The following THSD7B variants were observed in gnomAD, a reference collection of about 807,000 sequenced individuals.
THSD7B encodes thrombospondin type 1 domain containing 7B, also known as thrombospondin type-1 domain-containing protein 7B.
In THSD7B, 138 loss-of-function variants were observed where a neutral mutation model predicts 213.6. The observed-to-expected ratio is 0.65, with a 90% CI of 0.56 to 0.74. The LOEUF is 0.74. THSD7B is among the 30% of genes least tolerant of loss of function. THSD7B has a pLI of 0.00. For synonymous variants in THSD7B, 742 were observed against 687.0 expected (o/e 1.08, Z -1.25); for missense variants, 1,931 against 1,991.5 (o/e 0.97, Z 0.58).
intron 9 of THSD7B, among the ~76,000 whole-genome samples, chr2:137,241,802 G>C (rs1558970534): frequency 6.6e-6 from 1 of 151,884 alleles, no homozygotes; most frequent in Non-Finnish European, 1.5e-5. Flanking sequence ...CCAGCTACTT[G>C]AGAGGCTGAG....
At chr2:137,051,806 G>C (rs1254721825) in intron 2 of THSD7B, among the ~76,000 whole-genome samples, 1 of 152,126 alleles carries the variant, frequency 6.6e-6, no homozygotes, top group Non-Finnish European at 1.5e-5. Flanking sequence ...AAGAGCTATG[G>C]AGAGTGTGCT....
At chr2:136,842,062 A>G (rs999908237) in intron 1 of THSD7B, among the ~76,000 whole-genome samples, 2 of 152,226 alleles carry the variant, frequency 1.3e-5, no homozygotes, top group Non-Finnish European at 2.9e-5. Flanking sequence ...TGTCTCCATG[A>G]CACTCTGAGG....
intron 14 of THSD7B, among the ~76,000 whole-genome samples, chr2:137,426,863 T>C (rs1327083114): frequency 6.6e-6 from 1 of 152,020 alleles, no homozygotes. Context: ...AGGCATCCCA[T>C]GGAATAGGAA....
At chr2:137,174,705 A>G (rs1404639346) in intron 7 of THSD7B, among the ~76,000 whole-genome samples, 1 of 152,226 alleles carries the variant, frequency 6.6e-6, no homozygotes, top group Non-Finnish European at 1.5e-5. Context: ...AATAGATTGT[A>G]TAAATGAGTG....
intron 17 of THSD7B, among the ~76,000 whole-genome samples, chr2:137,611,158 T>A (rs1440221706): frequency 6.6e-6 from 1 of 151,956 alleles, no homozygotes; most frequent in Non-Finnish European, 1.5e-5. Flanking sequence ...AATTTATCAT[T>A]ACATTAGTGG....
chr2:137,534,121 TC>T (rs1259089840), intron 15 of THSD7B, among the ~76,000 whole-genome samples: 1 of 151,598 alleles, frequency 6.6e-6, no homozygotes, highest in African/African-American at 2.4e-5. Flanking sequence ...TACTATTTTT[TC>T]CCTAATCTTT....
At chr2:136,843,337 A>T (rs1682947822) in intron 1 of THSD7B, among the ~76,000 whole-genome samples, 1 of 152,108 alleles carries the variant, frequency 6.6e-6, no homozygotes, top group Non-Finnish European at 1.5e-5. Flanking sequence ...GCTTATGTAA[A>T]TTTCTCTCTG....
intron 2 of THSD7B, among the ~76,000 whole-genome samples, chr2:136,929,946 T>G (rs1684600507): frequency 6.6e-6 from 1 of 152,238 alleles, no homozygotes; most frequent in African/African-American, 2.4e-5. Context: ...CAGATGAGCT[T>G]AATCACAGAG....
chr2:137,238,638 C>CT, intron 9 of THSD7B, among the ~76,000 whole-genome samples: 1 of 145,334 alleles, frequency 6.9e-6, no homozygotes, highest in Non-Finnish European at 1.5e-5. Context: ...ACTGCAAGCT[C>CT]CGCTTCCCGG....
chr2:137,551,265 T>A (rs1680842595), intron 15 of THSD7B, among the ~76,000 whole-genome samples: 1 of 152,148 alleles, frequency 6.6e-6, no homozygotes, highest in African/African-American at 2.4e-5. Flanking sequence ...AGCAGTTCCC[T>A]TCATTTTTGA....
chr2:136,880,077 G>A (rs1186859498), intron 1 of THSD7B, among the ~76,000 whole-genome samples: 1 of 152,008 alleles, frequency 6.6e-6, no homozygotes, highest in African/African-American at 2.4e-5. Flanking sequence ...AGTTAACAAG[G>A]ATATCCAGGA....
intron 2 of THSD7B, among the ~76,000 whole-genome samples, chr2:136,973,512 C>G (rs902810789): frequency 2.6e-5 from 4 of 152,044 alleles, no homozygotes; most frequent in African/African-American, 9.7e-5. Context: ...ACAAGAGAAG[C>G]AAAATGGATC....
chr2:136,998,388 T>C (rs966500238), intron 2 of THSD7B, among the ~76,000 whole-genome samples: 1 of 152,170 alleles, frequency 6.6e-6, no homozygotes, highest in Non-Finnish European at 1.5e-5. Flanking sequence ...CTGTCTGTTT[T>C]AGTGCAACAC....
intron 2 of THSD7B, among the ~76,000 whole-genome samples, chr2:136,909,402 G>C (rs116009297): frequency 6.6e-6 from 1 of 152,172 alleles, no homozygotes; most frequent in Non-Finnish European, 1.5e-5. Flanking sequence ...CAAAGATAAA[G>C]TACTGATACT....
At chr2:136,993,450 G>T (rs1001003286) in intron 2 of THSD7B, among the ~76,000 whole-genome samples, 1 of 152,200 alleles carries the variant, frequency 6.6e-6, no homozygotes, top group African/African-American at 2.4e-5. Context: ...AAGACAAATA[G>T]TAAGTGACAT....
intron 12 of THSD7B, among the ~76,000 whole-genome samples, chr2:137,347,246 AAG>A (rs1341222767): frequency 6.6e-6 from 1 of 151,728 alleles, no homozygotes; most frequent in Non-Finnish European, 1.5e-5. Flanking sequence ...AGAAGGAAAA[AAG>A]AGAGATGAAG....
intron 2 of THSD7B, among the ~76,000 whole-genome samples, chr2:136,903,378 A>G (rs1487195595): frequency 6.6e-6 from 1 of 152,178 alleles, no homozygotes; most frequent in African/African-American, 2.4e-5. Context: ...TTTTGAAGGC[A>G]ATCTTTCCTT....
intron 20 of THSD7B, among the ~76,000 whole-genome samples, chr2:137,629,926 A>G (rs1321270345): frequency 6.6e-6 from 1 of 152,068 alleles, no homozygotes; most frequent in Non-Finnish European, 1.5e-5. Flanking sequence ...TTAAGGTCCC[A>G]TGTTAAGACC....
chr2:137,048,751 G>A (rs1245086388), intron 2 of THSD7B, among the ~76,000 whole-genome samples: 2 of 152,106 alleles, frequency 1.3e-5, no homozygotes, highest in Non-Finnish European at 2.9e-5. Flanking sequence ...TCATTCACTG[G>A]GTAAACAGAA....
Sources: allele counts gnomAD v4.1 joint callset (sites outside exome capture counted in the v4.1 genomes callset), GRCh38; gene constraint gnomAD v4.1.1; transcripts MANE v1.5; gene names NCBI Gene and HGNC (gene_info 2026-07-23, HGNC 2026-07-21).